The following UBR1 variants were observed in gnomAD, a reference collection of about 807,000 sequenced individuals.
UBR1 encodes the protein ubiquitin protein ligase E3 component n-recognin 1.
In UBR1, 102 loss-of-function variants were observed where a neutral mutation model predicts 242.1. That is an observed-to-expected ratio of 0.42 (90% CI 0.36 to 0.50). The LOEUF (loss-of-function observed/expected upper bound fraction) is 0.50, where lower values mean the gene tolerates loss of function less well. UBR1 is among the 20% of genes least tolerant of loss of function. The pLI is 0.01. For synonymous variants in UBR1, 675 were observed against 684.8 expected, an observed-to-expected ratio of 0.99 and a Z score of 0.22; for missense variants, 1,772 against 2,101.8, an observed-to-expected ratio of 0.84 and a Z score of 3.07.
intron 8 of UBR1, 83 bp from the exon 9 acceptor site, chr15:43,059,275 G>T: frequency 7.7e-7 from 1 of 1,306,980 alleles, no homozygotes; most frequent in Non-Finnish European, 1.1e-6. Flanking sequence ...CTGTTGCCCA[G>T]GTTGGTCTTG....
intron 42 of UBR1, among the ~76,000 whole-genome samples, chr15:42,962,133 T>TG (rs1555442070): frequency 1.3e-5 from 2 of 151,918 alleles, no homozygotes; most frequent in Non-Finnish European, 2.9e-5. Flanking sequence ...TAATTATTTT[T>TG]CTTCTCTTAT....
chr15:43,105,900 G>T, intron 1 of UBR1, 42 bp downstream of exon 1: 1 of 1,590,994 alleles, frequency 6.3e-7, no homozygotes, highest in South Asian at 1.1e-5. Flanking sequence ...AGTAGGGAGG[G>T]ACCGGGGGGA....
chr15:43,074,272 T>C (rs1180147642), intron 4 of UBR1, among the ~76,000 whole-genome samples: 1 of 152,232 alleles, frequency 6.6e-6, no homozygotes, highest in African/African-American at 2.4e-5. Flanking sequence ...CAAACTTCTT[T>C]ATTTCCTTGA....
chr15:43,010,283 G>A (rs2032902358), intron 29 of UBR1, among the ~76,000 whole-genome samples: 1 of 152,084 alleles, frequency 6.6e-6, no homozygotes, highest in Admixed American at 6.6e-5. Flanking sequence ...AGGTTCTAGT[G>A]GGCGCAGGAT....
intron 36 of UBR1, among the ~76,000 whole-genome samples, chr15:42,984,484 A>G (rs1255114644): frequency 3.3e-5 from 5 of 152,232 alleles, no homozygotes; most frequent in Non-Finnish European, 5.9e-5. Flanking sequence ...GTATCTGCCC[A>G]TCAAGGAGTC....
intron 12 of UBR1, among the ~76,000 whole-genome samples, chr15:43,053,296 G>A (rs1435670645): frequency 6.6e-6 from 1 of 152,118 alleles, no homozygotes; most frequent in Non-Finnish European, 1.5e-5. Context: ...TATAGTCAGA[G>A]ACTCATAAAA....
At chr15:43,022,832 T>C (rs747254553) in intron 25 of UBR1, 31 bp from the exon 26 acceptor site, 12 of 1,389,706 alleles carry the variant, frequency 8.6e-6, no homozygotes, top group African/African-American at 7.1e-5. Flanking sequence ...ATCTTTAAAA[T>C]TGCGCTTCTT....
intron 34 of UBR1, 63 bp downstream of exon 34, chr15:42,989,967 A>G: frequency 3.4e-6 from 4 of 1,174,420 alleles, no homozygotes; most frequent in South Asian, 2.6e-5. Context: ...GGAAGCCTAC[A>G]CTGTTTCCTA....
chr15:43,063,800 G>C (rs371825373), intron 6 of UBR1, among the ~76,000 whole-genome samples: 12 of 151,806 alleles, frequency 7.9e-5, no homozygotes, highest in African/African-American at 2.7e-4. Flanking sequence ...GCAATGGTGT[G>C]ATCTTGGCTC....
At chr15:42,957,561 C>T (rs965747201) in intron 44 of UBR1, among the ~76,000 whole-genome samples, 9 of 152,136 alleles carry the variant, frequency 5.9e-5, no homozygotes, top group Admixed American at 5.9e-4. Context: ...GAAGGATACT[C>T]AGAGGTCACC....
chr15:42,975,491 G>A (rs1448025976), intron 39 of UBR1, among the ~76,000 whole-genome samples: 3 of 151,928 alleles, frequency 2.0e-5, no homozygotes, highest in African/African-American at 7.3e-5. Flanking sequence ...TGTCGTGCTT[G>A]TATCATTTCA....
chr15:42,978,960 T>C (rs1315026221), intron 37 of UBR1, among the ~76,000 whole-genome samples: 1 of 140,412 alleles, frequency 7.1e-6, no homozygotes, highest in Non-Finnish European at 1.5e-5. Context: ...AGTGGTACAA[T>C]CTTGGCTCAC....
intron 31 of UBR1, 122 bp from the exon 32 acceptor site, chr15:43,002,826 G>T: frequency 1.7e-6 from 2 of 1,176,592 alleles, no homozygotes; most frequent in Non-Finnish European, 2.5e-6. Flanking sequence ...AACATCTTTA[G>T]AACATACATG....
Position 42,988,885 on chromosome 15 carries a change from CA to C in UBR1, c.3930del (p.Asp1311MetfsTer10), listed in dbSNP as rs1175813175. 6.2e-7 allele frequency: 1 copy of C among 1,614,192 alleles called. No individual in the cohort carries two copies. Among genetic ancestry groups the C allele is most frequent in the South Asian group, 1.1e-5 (1 of 91,086 alleles). On this transcript the variant is annotated frameshift_variant, in exon 35 of 47. Coordinates refer to ENST00000290650, the MANE Select transcript of UBR1 (RefSeq NM_174916.3). LOFTEE classifies it high-confidence loss of function. ...TIYRIGLKVP[P>X]DERDPRVPML... ...ATGGGGACTCGAGGATCCCTTTCAT[CA>C]GGTGGCACTTTCAATCCAATTCTAT...
In UBR1 at chr15:43,017,326, C is replaced by T. The variant is rs75539088; in HGVS notation, c.2941-145G>A. On this transcript the variant is annotated intron_variant, in intron 27 of 46. Transcript: ENST00000290650. The stretch of plus-strand genomic sequence containing the variant: ...TTCAATATATGAAGAAAAAAAGTGA[C>T]TCTGACTGTGACAAACGCCTCCCCT... 3.2e-3 allele frequency: 2,122 copies of T among 664,506 alleles called. 25 individuals are homozygous for T. The highest frequency in any genetic ancestry group is 0.017 in the South Asian group (987 of 57,010). The allele number at this position is 664,506 out of a possible 1,614,324, so 41.2% of individuals were successfully genotyped here. A position where few individuals can be genotyped will look rare whatever the true frequency, so the allele number is the denominator to read the frequency against.
At chr15:43,057,965 A>T (rs1339059141) in intron 10 of UBR1, among the ~76,000 whole-genome samples, 1 of 151,200 alleles carries the variant, frequency 6.6e-6, no homozygotes, top group Non-Finnish European at 1.5e-5. Context: ...ACTAGAGGGC[A>T]GTGGCGCGAT....
At chr15:42,997,662 CATT>C (rs2032660593) in intron 33 of UBR1, among the ~76,000 whole-genome samples, 1 of 152,214 alleles carries the variant, frequency 6.6e-6, no homozygotes, top group African/African-American at 2.4e-5. Flanking sequence ...ACTAACCACA[CATT>C]AATAGTATTA....
chr15:42,986,104 T>C (rs1357734719), intron 35 of UBR1, among the ~76,000 whole-genome samples: 2 of 152,154 alleles, frequency 1.3e-5, no homozygotes, highest in Non-Finnish European at 2.9e-5. Flanking sequence ...TTATTTTCAC[T>C]GATCCTTAGC....
chr15:42,987,641 G>A (rs569269327), intron 35 of UBR1, among the ~76,000 whole-genome samples: 2 of 148,874 alleles, frequency 1.3e-5, no homozygotes, highest in South Asian at 2.1e-4. Context: ...TTGAATCTGG[G>A]AGGCGGAGGT....
Sources: allele counts gnomAD v4.1 joint callset (sites outside exome capture counted in the v4.1 genomes callset), GRCh38; gene constraint gnomAD v4.1.1; transcripts MANE v1.5; gene names NCBI Gene and HGNC (gene_info 2026-07-23, HGNC 2026-07-21).